The following STK32A variants were observed in gnomAD, a reference collection of about 807,000 sequenced individuals.
The protein encoded by STK32A is serine/threonine kinase 32A.
STK32A carries 41 observed loss-of-function variants against 53.2 expected under a neutral mutation model. That is an observed-to-expected ratio of 0.77 (90% CI 0.60 to 1.00). STK32A has a LOEUF of 1.00. STK32A is among the 50% of genes least tolerant of loss of function. STK32A has a pLI of 0.00. For missense variants in STK32A, 458 were observed against 485.8 expected (o/e 0.94, Z 0.54); for synonymous variants, 166 against 162.8 (o/e 1.02, Z -0.15).
the STK32A span, chr5:147,401,511 C>T: frequency 1.8e-5 from 29 of 1,587,500 alleles, no homozygotes; most frequent in South Asian, 9.2e-5. Flanking sequence ...TTTCACAAAA[C>T]GCCTGCTGCT....
Position 147,323,219 on chromosome 5 carries a change from A to G in STK32A, c.261-679A>G, listed in dbSNP as rs549706467. Among the ~76,000 whole-genome samples the G allele has an allele frequency of 2.0e-5, 3 of 152,258 alleles. No individual in the cohort carries two copies. The East Asian group carries it at 5.8e-4, about 29-fold the overall frequency. ...CTCACAGAGTGTGTCAGAGCCCACA[A>G]AGTCACTCAGTAGAAACATCAGGAG... On this transcript the variant is annotated intron_variant, in intron 4 of 12. Transcript: ENST00000397936.
chr5:147,371,166 C>T (rs1233558025), intron 9 of STK32A, among the ~76,000 whole-genome samples: 1 of 152,082 alleles, frequency 6.6e-6, no homozygotes. Context: ...TCTCTGTCCT[C>T]ACTACTATTT....
chr5:147,389,990 T>C (rs1259315953), downstream of STK32A, among the ~76,000 whole-genome samples: 1 of 152,240 alleles, frequency 6.6e-6, no homozygotes, highest in East Asian at 1.9e-4. Flanking sequence ...CCAACTACAC[T>C]TGAGTCTGCC....
intron 5 of STK32A, among the ~76,000 whole-genome samples, chr5:147,336,331 C>G (rs896366806): frequency 6.6e-6 from 1 of 151,920 alleles, no homozygotes; most frequent in Non-Finnish European, 1.5e-5. Context: ...CCAATCTCCC[C>G]CTCATCCCCC....
At chr5:147,365,671 G>T (rs1209019793) in intron 8 of STK32A, among the ~76,000 whole-genome samples, 3 of 152,074 alleles carry the variant, frequency 2.0e-5, no homozygotes, top group African/African-American at 7.2e-5. Flanking sequence ...CTGTGGCTGT[G>T]CTTCTGTGTT....
chr5:147,253,124 T>C (rs1754070647), intron 2 of STK32A, among the ~76,000 whole-genome samples: 1 of 152,236 alleles, frequency 6.6e-6, no homozygotes, highest in Non-Finnish European at 1.5e-5. Context: ...ATACATACCA[T>C]TTTAAACATA....
chr5:147,293,911 A>ATTTACT (rs1554102697), intron 4 of STK32A, among the ~76,000 whole-genome samples: 2 of 151,618 alleles, frequency 1.3e-5, no homozygotes, highest in East Asian at 3.9e-4. Context: ...AGAATGCCAA[A>ATTTACT]TTTATATTAG....
chr5:147,250,258 C>T (rs1580986721), intron 2 of STK32A, among the ~76,000 whole-genome samples: 2 of 151,970 alleles, frequency 1.3e-5, no homozygotes, highest in East Asian at 3.9e-4. Flanking sequence ...ATGATGGTGC[C>T]AAGTAGGAGC....
At chr5:147,399,391 A>G in the STK32A span, 6 of 977,778 alleles carry the variant, frequency 6.1e-6, no homozygotes, top group South Asian at 1.9e-5. Flanking sequence ...GAGCTACAGA[A>G]CCTCACTCAG....
intron 11 of STK32A, among the ~76,000 whole-genome samples, chr5:147,377,007 C>T (rs1561757674): frequency 6.6e-6 from 1 of 152,114 alleles, no homozygotes; most frequent in Non-Finnish European, 1.5e-5. Flanking sequence ...AAATCCTTAA[C>T]ATATTAGCAA....
intron 5 of STK32A, among the ~76,000 whole-genome samples, chr5:147,332,468 T>C (rs1754918229): frequency 6.6e-6 from 1 of 152,152 alleles, no homozygotes; most frequent in African/African-American, 2.4e-5. Context: ...TGAGAACATT[T>C]AAAGTCTAAA....
intron 2 of STK32A, among the ~76,000 whole-genome samples, chr5:147,247,441 G>C (rs1206187317): frequency 6.6e-6 from 1 of 152,222 alleles, no homozygotes; most frequent in Non-Finnish European, 1.5e-5. Context: ...CAATAGCCTT[G>C]CATAGGCTTT....
At chr5:147,338,187 G>A (rs114997882) in intron 5 of STK32A, among the ~76,000 whole-genome samples, 1,888 of 152,310 alleles carry the variant, frequency 0.012, 17 homozygotes, top group Non-Finnish European at 0.019. Flanking sequence ...TGCAGTAGGA[G>A]TTAATTGAGT....
chr5:147,303,127 A>G (rs906042989), intron 4 of STK32A, among the ~76,000 whole-genome samples: 1 of 152,222 alleles, frequency 6.6e-6, no homozygotes, highest in Admixed American at 6.5e-5. Context: ...TCCTGTTAAA[A>G]GAAGACGCTT....
chr5:147,267,848 C>T (rs1754873778), intron 2 of STK32A, among the ~76,000 whole-genome samples: 1 of 152,144 alleles, frequency 6.6e-6, no homozygotes, highest in Admixed American at 6.6e-5. Context: ...TTTGGAACTC[C>T]AACCCATTCT....
the STK32A span, chr5:147,397,947 G>T: frequency 5.3e-5 from 66 of 1,250,796 alleles, no homozygotes; most frequent in Non-Finnish European, 6.8e-5. Context: ...TGATTCACCA[G>T]GTAAGCCAGG....
intron 4 of STK32A, among the ~76,000 whole-genome samples, chr5:147,286,530 T>G (rs1180854130): frequency 6.6e-6 from 1 of 152,142 alleles, no homozygotes; most frequent in African/African-American, 2.4e-5. Flanking sequence ...TTCAACATTT[T>G]CCTTTTGCTA....
intron 8 of STK32A, among the ~76,000 whole-genome samples, chr5:147,368,824 G>A (rs1366890103): frequency 5.3e-5 from 8 of 152,040 alleles, no homozygotes; most frequent in Admixed American, 5.2e-4. Context: ...GCTGCTTGTG[G>A]CATTCATCAG....
chr5:147,384,149 T>C lies in STK32A; in HGVS notation c.*166T>C. ...ACAACACAGTGAAGGGTCCTGGGCCTGAGCTCCTGGGATGTCATTTCACAT... is the reference window on the plus strand; with the variant it reads ...ACAACACAGTGAAGGGTCCTGGGCCCGAGCTCCTGGGATGTCATTTCACAT... On this transcript the variant is annotated 3_prime_UTR_variant, in exon 13 of 13. Coordinates refer to ENST00000397936, the MANE Select transcript of STK32A (RefSeq NM_001112724.2). 2.7e-6 allele frequency: 4 copies of C among 1,457,608 alleles called. No homozygotes were observed. Among genetic ancestry groups the C allele is most frequent in the African/African-American group, 1.5e-5 (1 of 68,630 alleles). The allele number at this position is 1,457,608 out of a possible 1,614,324, so 90.3% of individuals were successfully genotyped here. A position where few individuals can be genotyped will look rare whatever the true frequency, so the allele number is the denominator to read the frequency against.
Sources: allele counts gnomAD v4.1 joint callset (sites outside exome capture counted in the v4.1 genomes callset), GRCh38; gene constraint gnomAD v4.1.1; transcripts MANE v1.5; gene names NCBI Gene and HGNC (gene_info 2026-07-23, HGNC 2026-07-21).